Variants in XRCC6 observed in about 807,000 individuals in gnomAD.
The protein encoded by XRCC6 is X-ray repair cross complementing 6, also known as DNA repair protein Ku70.
Under a neutral mutation model 65.7 loss-of-function variants are expected in XRCC6, and 5 were observed. The observed-to-expected ratio is 0.08, with a 90% CI of 0.04 to 0.16. XRCC6 has a LOEUF of 0.16. Ranked by LOEUF, XRCC6 falls within the 10% of genes least tolerant of loss-of-function variation. The pLI, the probability that XRCC6 is intolerant of heterozygous loss-of-function variation, is 1.00. For missense variants in XRCC6, 447 were observed against 738.1 expected, an observed-to-expected ratio of 0.61 and a Z score of 4.57; for synonymous variants, 270 against 270.6, an observed-to-expected ratio of 1.00 and a Z score of 0.02.
intron 7 of XRCC6, among the ~76,000 whole-genome samples, chr22:41,649,895 A>T (rs1601549819): frequency 6.6e-6 from 1 of 151,646 alleles, no homozygotes; most frequent in Non-Finnish European, 1.5e-5. Flanking sequence ...GGCTGGGCAC[A>T]GTGGCTCACA....
chr22:41,659,280 TCTC>T (rs920806889), intron 11 of XRCC6, among the ~76,000 whole-genome samples: 2 of 152,134 alleles, frequency 1.3e-5, no homozygotes, highest in African/African-American at 2.4e-5. Flanking sequence ...AAACAGCCCA[TCTC>T]CTCCTTTCAG....
chr22:41,639,659 TTC>T (rs1177507186), intron 6 of XRCC6, among the ~76,000 whole-genome samples: 1 of 110,706 alleles, frequency 9.0e-6, no homozygotes, highest in Non-Finnish European at 1.9e-5. Context: ...GTAGCCTAGA[TTC>T]TCTCTCTTTT....
chr22:41,634,549 T>G (rs990444767), intron 3 of XRCC6, among the ~76,000 whole-genome samples: 5 of 147,130 alleles, frequency 3.4e-5, no homozygotes, highest in African/African-American at 1.3e-4. Flanking sequence ...GAACTCTCTT[T>G]TTTTTTTTTT....
chr22:41,625,967 T>C (rs961571559), intron 2 of XRCC6, among the ~76,000 whole-genome samples: 2 of 152,148 alleles, frequency 1.3e-5, no homozygotes, highest in Non-Finnish European at 2.9e-5. Flanking sequence ...GCCTCCCTAG[T>C]AGCTGGAATT....
chr22:41,648,877 A>G (rs753390960), intron 7 of XRCC6, among the ~76,000 whole-genome samples: 2 of 151,946 alleles, frequency 1.3e-5, no homozygotes, highest in Non-Finnish European at 2.9e-5. Flanking sequence ...TATGTTTGAA[A>G]AAACCTTGAG....
intron 7 of XRCC6, among the ~76,000 whole-genome samples, chr22:41,649,139 A>AAAATATATATATAT: frequency 1.5e-3 from 131 of 88,706 alleles, no homozygotes; most frequent in Admixed American, 2.4e-3. Flanking sequence ...AAAAAAAAAA[A>AAAATATATATATAT]ATATATATAT....
intron 7 of XRCC6, chr22:41,648,256 G>A (rs1385596770): frequency 6.6e-6 from 1 of 151,880 alleles, no homozygotes; most frequent in African/African-American, 2.4e-5. Context: ...GTGGTATCTG[G>A]ATCAGTGATA....
intron 3 of XRCC6, among the ~76,000 whole-genome samples, chr22:41,631,617 G>C (rs2067752600): frequency 7.6e-6 from 1 of 131,128 alleles, no homozygotes; most frequent in African/African-American, 3.1e-5. Flanking sequence ...GATGGCGGCT[G>C]GGCAGAGACG....
chr22:41,624,440 A>G (rs1271417452), intron 2 of XRCC6, among the ~76,000 whole-genome samples: 1 of 151,800 alleles, frequency 6.6e-6, no homozygotes, highest in Non-Finnish European at 1.5e-5. Context: ...TAATCCCAGT[A>G]CTTTGGGAGG....
intron 10 of XRCC6, among the ~76,000 whole-genome samples, chr22:41,657,299 G>A (rs2068053503): frequency 6.6e-6 from 1 of 151,900 alleles, no homozygotes; most frequent in African/African-American, 2.4e-5. Context: ...ATTCTTATTC[G>A]CCCTTCTCCT....
chr22:41,622,023 T>C lies in XRCC6; in HGVS notation c.19T>C (p.Tyr7His). ...AGCCAACATGTCAGGGTGGGAGTCA[T>C]ATTACAAAACCGAGGGCGATGAAGA... MSGWESYYKTEGDEEAE... is the reference protein window; with the variant it reads MSGWESHYKTEGDEEAE... The change falls in exon 2 of 13, where the codon TAT (tyrosine) becomes CAT (histidine). Residue 7 changes from tyrosine (Y) to histidine (H), a missense_variant. By Grantham distance (83) the Tyr-to-His change is moderately conservative. This residue lies in a region of XRCC6 where 228 missense variants were observed against 307.4 expected (regional missense o/e 0.74). Coordinates refer to ENST00000360079, the MANE Select transcript of XRCC6 (RefSeq NM_001469.5). 6.2e-7 allele frequency: 1 copy of C among 1,614,232 alleles called. No individual in the cohort carries two copies. The highest frequency in any genetic ancestry group is 1.3e-5 in the African/African-American group (1 of 75,076).
At chr22:41,653,750 T>C (rs2068021712) in intron 9 of XRCC6, 60 bp downstream of exon 9, 3 of 1,573,048 alleles carry the variant, frequency 1.9e-6, no homozygotes, top group African/African-American at 2.7e-5. Flanking sequence ...GAATCATCCA[T>C]GGACTCCTAA....
intron 7 of XRCC6, among the ~76,000 whole-genome samples, chr22:41,649,332 A>G (rs2067971953): frequency 1.3e-5 from 2 of 149,788 alleles, no homozygotes; most frequent in Admixed American, 6.7e-5. Context: ...ACGCCTGGCT[A>G]ATTTTTTGTA....
intron 1 of XRCC6, 164 bp downstream of exon 1, chr22:41,621,509 C>T (rs185292468): frequency 4.6e-4 from 77 of 167,318 alleles, no homozygotes; most frequent in Admixed American, 2.1e-3. Context: ...CACGCTCCTT[C>T]CTCGGGAAGG....
At chr22:41,653,888 G>A (rs545428665) in intron 9 of XRCC6, among the ~76,000 whole-genome samples, 198 bp downstream of exon 9, 8 of 152,242 alleles carry the variant, frequency 5.3e-5, no homozygotes, top group African/African-American at 1.4e-4. Context: ...CACAGCATGC[G>A]CAGCCGTACA....
intron 7 of XRCC6, among the ~76,000 whole-genome samples, chr22:41,649,164 GTA>G (rs2067969841): frequency 1.9e-5 from 2 of 107,076 alleles, no homozygotes; most frequent in Admixed American, 1.3e-4. Flanking sequence ...ATATATATAT[GTA>G]TGTATGTGTG....
In XRCC6 at chr22:41,660,795, G is replaced by A. The variant is rs145447774; in HGVS notation, c.1523-536G>A. Among the ~76,000 whole-genome samples, 109 of 152,228 alleles carry A rather than the reference G, an allele frequency of 7.2e-4. 1 individual carries two copies. Among genetic ancestry groups the A allele is most frequent in the African/African-American group, 2.6e-3 (109 of 41,552 alleles). Reference sequence around the variant, plus strand: ...TCCACCTCCTCTCTCTCACTGGGCTGTAAGCTCACCGCAGGCATGAGCACT... The same window carrying A: ...TCCACCTCCTCTCTCTCACTGGGCTATAAGCTCACCGCAGGCATGAGCACT... On this transcript the variant is annotated intron_variant, in intron 11 of 12. Transcript: ENST00000360079.
chr22:41,636,344 C>G, intron 4 of XRCC6, 93 bp downstream of exon 4: 1 of 1,503,540 alleles, frequency 6.7e-7, no homozygotes, highest in South Asian at 1.4e-5. Flanking sequence ...CAAGTTACAT[C>G]TTGTCTAGGA....
chr22:41,621,890 C>T, intron 1 of XRCC6, 100 bp from the exon 2 acceptor site: 1 of 1,200,092 alleles, frequency 8.3e-7, no homozygotes, highest in South Asian at 1.3e-5. Flanking sequence ...ACATTCCTCA[C>T]TACTAACCAA....
Sources: allele counts gnomAD v4.1 joint callset (sites outside exome capture counted in the v4.1 genomes callset), GRCh38; gene constraint gnomAD v4.1.1; regional missense constraint gnomAD v4.1.1; transcripts MANE v1.5; gene names NCBI Gene and HGNC (gene_info 2026-07-23, HGNC 2026-07-21).